The following ATRX variants were observed in gnomAD, a reference collection of about 807,000 sequenced individuals.
The protein encoded by ATRX is chromatin remodeler ATRX.
In ATRX, 12 loss-of-function variants were observed where a neutral mutation model predicts 172.6. The observed-to-expected ratio is 0.07, with a 90% CI of 0.04 to 0.11. The LOEUF (loss-of-function observed/expected upper bound fraction) is 0.11, where lower values mean the gene tolerates loss of function less well. ATRX is among the 10% of genes least tolerant of loss of function. The probability of loss-of-function intolerance (pLI) is 1.00; values close to 1 mark genes in which losing one functional copy is unlikely to be tolerated. For synonymous variants in ATRX, 674 were observed against 594.7 expected, an observed-to-expected ratio of 1.13 and a Z score of -1.94; for missense variants, 1,368 against 1,767.4, an observed-to-expected ratio of 0.77 and a Z score of 4.05.
rs2071472524 is a variant in ATRX at position 77,684,968 on chromosome X, A to G, written c.633T>C (p.Arg211=). 8.3e-7 allele frequency: 1 copy of G among 1,203,684 alleles called. No homozygotes were observed. Among genetic ancestry groups the G allele is most frequent in the Admixed American group, 2.2e-5 (1 of 45,725 alleles). The change falls in exon 8 of 35, where the codon CGT becomes CGC. Residue 211 remains arginine (R), a synonymous_variant. Coordinates refer to ENST00000373344, the MANE Select transcript of ATRX (RefSeq NM_000489.6). ...ATTGTTCATCCATTCCATCTGAGTC[A>G]CGGCTAATATCATCACTCATGTAAT... ...FKYYMSDDIS[R]DSDGMDEQCR...
At chrX:77,764,494 T>A (rs1557194438) in intron 1 of ATRX, among the ~76,000 whole-genome samples, 1 of 112,259 alleles carries the variant, frequency 8.9e-6, no homozygotes, top group Non-Finnish European at 1.9e-5. Context: ...TCTAACTTAC[T>A]CCACATTTTT....
At chrX:77,700,610 A>G (rs190194079) in intron 2 of ATRX, among the ~76,000 whole-genome samples, 1 of 112,481 alleles carries the variant, frequency 8.9e-6, no homozygotes, top group East Asian at 2.8e-4. Context: ...AGCTTTATTC[A>G]TAACTGCCAA....
intron 1 of ATRX, among the ~76,000 whole-genome samples, chrX:77,774,882 T>TTTTGTTTGTTTGTTTG (rs71880876): frequency 9.2e-6 from 1 of 108,642 alleles, no homozygotes; most frequent in African/African-American, 3.4e-5. Context: ...AATTTAGTAC[T>TTTTGTTTGTTTGTTTG]TTTGTTTGTT....
At chrX:77,764,585 A>G (rs2075839733) in intron 1 of ATRX, among the ~76,000 whole-genome samples, 1 of 112,542 alleles carries the variant, frequency 8.9e-6, no homozygotes, top group African/African-American at 3.2e-5. Context: ...CAAAAATCAA[A>G]TAAGATGTAT....
At chrX:77,762,957 C>T (rs782505963) in intron 1 of ATRX, among the ~76,000 whole-genome samples, 2 of 110,332 alleles carry the variant, frequency 1.8e-5, no homozygotes, top group South Asian at 7.6e-4. Flanking sequence ...GGTAAATACC[C>T]CATAGTATAG....
At chrX:77,624,630 CATAA>C (rs2067745055) in intron 19 of ATRX, among the ~76,000 whole-genome samples, 2 of 111,120 alleles carry the variant, frequency 1.8e-5, no homozygotes. Flanking sequence ...ACAATAGCTG[CATAA>C]ATAAATACAT....
chrX:77,541,777 A>C lies in ATRX; in HGVS notation c.6699+15674T>G, dbSNP rs782184637. ...CGACAAAAGTCAACAACCCTTCATGATAAAAATTCTCAATAAATTAGGTAC... is the reference window on the plus strand; with the variant it reads ...CGACAAAAGTCAACAACCCTTCATGCTAAAAATTCTCAATAAATTAGGTAC... On this transcript the variant is annotated intron_variant, in intron 30 of 34. Transcript: ENST00000373344. 5.4e-5 allele frequency among the ~76,000 whole-genome samples: 6 copies of C among 112,015 alleles called. No individual in the cohort carries two copies. In the South Asian group the frequency reaches 2.2e-3, roughly 42 times the overall value.
intron 10 of ATRX, among the ~76,000 whole-genome samples, chrX:77,670,503 C>T (rs1168225056): frequency 8.9e-6 from 1 of 111,800 alleles, no homozygotes; most frequent in Admixed American, 9.5e-5. Flanking sequence ...GCCTGTAATC[C>T]CAGCAATTTG....
At chrX:77,589,969 T>C (rs781823929) in intron 26 of ATRX, 29 bp from the exon 27 acceptor site, 1 of 1,095,013 alleles carries the variant, frequency 9.1e-7, no homozygotes, top group Non-Finnish European at 1.3e-6. Flanking sequence ...GTTTATGGAT[T>C]AGAAGATTCC....
intron 22 of ATRX, among the ~76,000 whole-genome samples, chrX:77,611,707 TTAAA>T (rs1310426357): frequency 4.5e-5 from 5 of 110,842 alleles, no homozygotes; most frequent in African/African-American, 1.3e-4. Flanking sequence ...TAAAAAATGT[TTAAA>T]TAAATATTTT....
chrX:77,523,957 C>G (rs1316825318), intron 30 of ATRX, among the ~76,000 whole-genome samples: 2 of 111,021 alleles, frequency 1.8e-5, no homozygotes, highest in African/African-American at 3.3e-5. Context: ...CTGTAAAGAC[C>G]CATGGGTCAA....
intron 12 of ATRX, among the ~76,000 whole-genome samples, chrX:77,661,692 G>A (rs1349273487): frequency 2.7e-5 from 3 of 110,181 alleles, no homozygotes; most frequent in Non-Finnish European, 5.7e-5. Context: ...CCCAAAATTC[G>A]CAGGCAAATA....
intron 28 of ATRX, among the ~76,000 whole-genome samples, chrX:77,561,310 CACAT>C (rs1353829882): frequency 6.4e-5 from 7 of 110,233 alleles, no homozygotes; most frequent in Middle Eastern, 4.6e-3. Flanking sequence ...TTAAAAAACA[CACAT>C]ACATACATAC....
At chrX:77,522,451 C>T (rs2147752849) in intron 31 of ATRX, 63 bp from the exon 32 acceptor site, 1 of 1,123,016 alleles carries the variant, frequency 8.9e-7, no homozygotes, top group Non-Finnish European at 1.2e-6. Context: ...TCTACATCAC[C>T]TACTGGTTTA....
chrX:77,696,398 T>G (rs1378959206), intron 5 of ATRX, among the ~76,000 whole-genome samples, 179 bp downstream of exon 5: 3 of 112,233 alleles, frequency 2.7e-5, no homozygotes, highest in African/African-American at 9.7e-5. Flanking sequence ...TATTCCAAAT[T>G]TTTAACTTCA....
At chrX:77,539,343 G>T (rs980519513) in intron 30 of ATRX, among the ~76,000 whole-genome samples, 2 of 110,622 alleles carry the variant, frequency 1.8e-5, no homozygotes, top group Non-Finnish European at 3.8e-5. Flanking sequence ...TCCCATACTG[G>T]TTTTTAAAAA....
chrX:77,659,157 A>G (rs2069719648), intron 12 of ATRX, among the ~76,000 whole-genome samples: 1 of 111,042 alleles, frequency 9.0e-6, no homozygotes, highest in South Asian at 3.8e-4. Context: ...AAAAATGTGA[A>G]TGTACTTAAT....
At chrX:77,725,608 C>T (rs1359068865) in intron 1 of ATRX, among the ~76,000 whole-genome samples, 1 of 111,578 alleles carries the variant, frequency 9.0e-6, no homozygotes, top group Non-Finnish European at 1.9e-5. Flanking sequence ...CAACAAAAGC[C>T]AAAATTGACA....
chrX:77,634,647 G>A lies in ATRX; in HGVS notation c.4756C>T (p.Pro1586Ser), dbSNP rs2148350067. 8.3e-7 allele frequency: 1 copy of A among 1,211,300 alleles called. No homozygotes were observed. Among genetic ancestry groups the A allele is most frequent in the Non-Finnish European group, 1.1e-6 (1 of 895,352 alleles). ...TGGGCAAGAATGCATCCTGAACCTGGAGATTTCTTTGTTTTTTTCACAGAC... is the reference window on the plus strand; with the variant it reads ...TGGGCAAGAATGCATCCTGAACCTGAAGATTTCTTTGTTTTTTTCACAGAC... ...CESVKKTKKS[P>S]GSGCILAHCM... The change falls in exon 17 of 35, where the codon CCA (proline) becomes TCA (serine). Residue 1586 changes from proline to serine, a missense_variant. Coordinates refer to ENST00000373344, the MANE Select transcript of ATRX (RefSeq NM_000489.6).
Sources: gnomAD v4.1 joint callset for allele counts (sites outside exome capture counted in the v4.1 genomes callset) on GRCh38, gnomAD v4.1.1 for gene constraint, MANE v1.5 for transcripts, NCBI Gene and HGNC (gene_info 2026-07-23, HGNC 2026-07-21) for gene names.